SEMA3D: variants seen among roughly 807,000 people sequenced by gnomAD.
SEMA3D encodes semaphorin-3D.
SEMA3D carries 84 observed loss-of-function variants against 100.1 expected under a neutral mutation model. That is an observed-to-expected ratio of 0.84 (90% CI 0.70 to 1.01). The LOEUF is 1.01. SEMA3D is among the 50% of genes least tolerant of loss of function. SEMA3D has a pLI of 0.00. For synonymous variants in SEMA3D, 312 were observed against 320.7 expected, an observed-to-expected ratio of 0.97 and a Z score of 0.29; for missense variants, 875 against 934.1, an observed-to-expected ratio of 0.94 and a Z score of 0.82.
Position 85,097,234 on chromosome 7 carries a change from C to A in SEMA3D, c.312+571G>T, listed in dbSNP as rs940228485. ...AATTTTAAAGTACTAGTGTATGTTT[C>A]TTTGTCATGGTGAGATTGTCTTAAT... On this transcript the variant is annotated intron_variant, in intron 4 of 18. Transcript: ENST00000284136. 2.6e-5 allele frequency among the ~76,000 whole-genome samples: 4 copies of A among 151,746 alleles called. No individual in the cohort carries two copies. The East Asian group carries it at 5.8e-4, about 22-fold the overall frequency.
chr7:85,244,028 C>T, the SEMA3D span, among the ~76,000 whole-genome samples: 1 of 151,916 alleles, frequency 6.6e-6, no homozygotes, highest in East Asian at 1.9e-4. Context: ...TGTCTTAGTC[C>T]ATTTAGTATT....
chr7:85,155,834 C>A (rs1790579478), intron 1 of SEMA3D, among the ~76,000 whole-genome samples: 1 of 152,084 alleles, frequency 6.6e-6, no homozygotes, highest in Non-Finnish European at 1.5e-5. Flanking sequence ...GAAGTTGTGG[C>A]ACCTCAGTCA....
chr7:85,209,220 G>T, the SEMA3D span, among the ~76,000 whole-genome samples: 1,032 of 151,882 alleles, frequency 6.8e-3, 16 homozygotes, highest in African/African-American at 0.024. Flanking sequence ...TTTTTGTAGT[G>T]CATATAGTGT....
upstream of SEMA3D, among the ~76,000 whole-genome samples, chr7:85,189,700 A>AT (rs368242329): frequency 1.2e-3 from 178 of 152,306 alleles, no homozygotes; most frequent in African/African-American, 3.8e-3. Context: ...AATAACTTTC[A>AT]TGTTCTTGGA....
Position 85,154,111 on chromosome 7 carries a change from A to G in SEMA3D, c.-172-372T>C, listed in dbSNP as rs114886764. On this transcript the variant is annotated intron_variant, in intron 1 of 18. Transcript: ENST00000284136. The stretch of plus-strand genomic sequence containing the variant: ...AAAATCAACCATTACAGAAACCCTT[A>G]TCTGCTCCTTACTGCTTACAGTGCC... Among the ~76,000 whole-genome samples the G allele has an allele frequency of 5.2e-3, 791 of 152,038 alleles. 9 individuals carry two copies. Among genetic ancestry groups the G allele is most frequent in the African/African-American group, 0.018 (745 of 41,498 alleles).
intron 1 of SEMA3D, among the ~76,000 whole-genome samples, chr7:85,181,452 ATAAAT>A (rs774278108): frequency 6.6e-6 from 1 of 152,228 alleles, no homozygotes. Flanking sequence ...TAACAAATAA[ATAAAT>A]TAAATTAAGT....
intron 3 of SEMA3D, among the ~76,000 whole-genome samples, chr7:85,108,982 A>T (rs779539631): frequency 1.3e-5 from 2 of 151,924 alleles, no homozygotes; most frequent in African/African-American, 2.4e-5. Context: ...GTAGACTTTC[A>T]TTTCAAATAT....
intron 3 of SEMA3D, among the ~76,000 whole-genome samples, chr7:85,111,970 T>C (rs948146351): frequency 1.3e-5 from 2 of 152,096 alleles, no homozygotes; most frequent in Non-Finnish European, 2.9e-5. Flanking sequence ...ATTCTCTCAG[T>C]AAGCGCTTTC....
chr7:85,049,509 T>TA (rs201275783), intron 9 of SEMA3D, among the ~76,000 whole-genome samples: 45 of 144,270 alleles, frequency 3.1e-4, no homozygotes, highest in South Asian at 2.6e-3. Context: ...TTCATTCAAT[T>TA]AAAAAAAAAA....
chr7:85,072,936 C>CT, intron 6 of SEMA3D, 26 bp downstream of exon 6: 1 of 1,557,608 alleles, frequency 6.4e-7, no homozygotes, highest in Non-Finnish European at 8.7e-7. Flanking sequence ...ATAAATTATG[C>CT]TTTTCATGCT....
chr7:85,023,703 A>G (rs1790316342), intron 12 of SEMA3D, among the ~76,000 whole-genome samples: 1 of 151,920 alleles, frequency 6.6e-6, no homozygotes, highest in Non-Finnish European at 1.5e-5. Flanking sequence ...GTACTTCTCA[A>G]AATATTCAAG....
intron 14 of SEMA3D, 43 bp downstream of exon 14, chr7:85,020,190 A>T: frequency 7.6e-7 from 1 of 1,312,508 alleles, no homozygotes; most frequent in Non-Finnish European, 1.1e-6. Flanking sequence ...AGCGCTACTC[A>T]GTTTCAACAT....
intron 1 of SEMA3D, among the ~76,000 whole-genome samples, chr7:85,173,722 C>T (rs1199976966): frequency 6.6e-6 from 1 of 152,124 alleles, no homozygotes; most frequent in Non-Finnish European, 1.5e-5. Context: ...ATGTGTTCCT[C>T]ACAATAACTC....
chr7:85,085,364 T>C (rs1788185992), intron 4 of SEMA3D, among the ~76,000 whole-genome samples: 1 of 152,134 alleles, frequency 6.6e-6, no homozygotes, highest in South Asian at 2.1e-4. Flanking sequence ...TTAAATTAAA[T>C]TATGAGATAA....
intron 18 of SEMA3D, among the ~76,000 whole-genome samples, chr7:85,002,201 G>A (rs907670706): frequency 1.2e-4 from 18 of 151,966 alleles, no homozygotes; most frequent in African/African-American, 3.9e-4. Flanking sequence ...TCCATTACAC[G>A]GTCATGATCT....
intron 2 of SEMA3D, chr7:85,141,415 T>A (rs1445770676): frequency 2.0e-6 from 2 of 984,476 alleles, no homozygotes; most frequent in Non-Finnish European, 2.4e-6. Flanking sequence ...ATTGTACTAT[T>A]GGGGATTCTG....
rs1462206654 is a variant in SEMA3D at position 85,185,583 on chromosome 7, C to G, written c.-173+1095G>C. Among the ~76,000 whole-genome samples the G allele has an allele frequency of 4.6e-5, 7 of 152,308 alleles. No homozygotes were observed. The East Asian group carries it at 1.4e-3, about 30-fold the overall frequency. On this transcript the variant is annotated intron_variant, in intron 1 of 18. Transcript: ENST00000284136. ...CTATTTAACTCCTGTCCCCATAACT[C>G]GGAATCCCGGACACCAGCGGCCCCA...
Position 85,092,369 on chromosome 7 carries a change from A to T in SEMA3D, c.312+5436T>A, listed in dbSNP as rs11765095. ...ACAATATGCTTAGTGCTAATAATAG[A>T]TACTCAATGGATTTTTGTTGAACTA... On this transcript the variant is annotated intron_variant, in intron 4 of 18. Transcript: ENST00000284136. Among the ~76,000 whole-genome samples the T allele has an allele frequency of 6.0e-4, 92 of 152,168 alleles. 1 individual carries two copies. The highest frequency in any genetic ancestry group is 1.2e-3 in the Admixed American group (18 of 15,254).
chr7:85,035,052 A>G (rs1236918945), intron 12 of SEMA3D, among the ~76,000 whole-genome samples: 1 of 152,076 alleles, frequency 6.6e-6, no homozygotes, highest in African/African-American at 2.4e-5. Flanking sequence ...ACTATTCACA[A>G]TAGTCAAGAC....
Sources: gnomAD v4.1 joint callset for allele counts (sites outside exome capture counted in the v4.1 genomes callset) on GRCh38, gnomAD v4.1.1 for gene constraint, MANE v1.5 for transcripts, NCBI Gene and HGNC (gene_info 2026-07-23, HGNC 2026-07-21) for gene names.